Variants in ZNF630 observed in about 807,000 individuals in gnomAD.
The protein encoded by ZNF630 is zinc finger protein 630.
Under a neutral mutation model 7.2 loss-of-function variants are expected in ZNF630, and 5 were observed. That is an observed-to-expected ratio of 0.70 (90% CI 0.36 to 1.46). The LOEUF (loss-of-function observed/expected upper bound fraction) is 1.46, where lower values mean the gene tolerates loss of function less well. Ranked by LOEUF, ZNF630 falls within the 40% of genes most tolerant of loss-of-function variation. The pLI, the probability that ZNF630 is intolerant of heterozygous loss-of-function variation, is 0.03. For synonymous variants in ZNF630, 158 were observed against 162.8 expected, an observed-to-expected ratio of 0.97 and a Z score of 0.23; for missense variants, 461 against 477.0, an observed-to-expected ratio of 0.97 and a Z score of 0.31.
chrX:48,065,463 G>A (rs1556909905), intron 2 of ZNF630, among the ~76,000 whole-genome samples: 80 of 47,982 alleles, frequency 1.7e-3, no homozygotes, highest in African/African-American at 4.0e-3. Flanking sequence ...GAAAGAGAGA[G>A]AGAGAGAGAG....
chrX:48,059,805 G>T lies in ZNF630; in HGVS notation c.637C>A (p.Pro213Thr). The T allele has an allele frequency of 8.3e-7, 1 of 1,208,520 alleles. No individual in the cohort carries two copies. Among genetic ancestry groups the T allele is most frequent in the Non-Finnish European group, 1.1e-6 (1 of 893,276 alleles). The change falls in exon 5 of 5, where the codon CCT becomes ACT. Residue 213 changes from proline (P) to threonine (T), a missense_variant. Physicochemically the swap from Pro to Thr is conservative, Grantham distance 38. Transcript: ENST00000276054. The part of the protein sequence containing the change: ...PTKRFRCGRP[P>T]KYNASCSVPE... ...ACAGAACAGGAAGCATTATACTTAG[G>T]TGGTCTCCCACATCTAAATCTCTTA...
chrX:48,065,683 CA>C (rs200722854), intron 2 of ZNF630, among the ~76,000 whole-genome samples: 1,207 of 88,537 alleles, frequency 0.014, 17 homozygotes, highest in African/African-American at 0.037. Context: ...AACTCCATCT[CA>C]AAAAAAAAAA....
At chrX:48,063,057 C>G (rs2059114452) in intron 2 of ZNF630, among the ~76,000 whole-genome samples, 1 of 108,329 alleles carries the variant, frequency 9.2e-6, no homozygotes, top group African/African-American at 3.4e-5. Context: ...ATTGATATGC[C>G]ACAATATTTA....
Position 48,058,756 on chromosome X carries a change from CTG to C in ZNF630, c.1684_1685del (p.Gln562GlufsTer10). 1 of 1,206,886 alleles carries C rather than the reference CTG, an allele frequency of 8.3e-7. No individual in the cohort carries two copies. Among genetic ancestry groups the C allele is most frequent in the Non-Finnish European group, 1.1e-6 (1 of 892,417 alleles). ...FSLKSHLILH[Q>X]RGHTGEKPYE... ...AGGGTTTCTCTCCAGTATGACCTCTCTGATGTAGAATGAGATGTGACTTCAGG... is the reference window on the plus strand; with the variant it reads ...AGGGTTTCTCTCCAGTATGACCTCTCATGTAGAATGAGATGTGACTTCAGG... On this transcript the variant is annotated frameshift_variant, in exon 5 of 5. Transcript: ENST00000276054. LOFTEE classifies it low-confidence loss of function (END_TRUNC).
chrX:48,059,494 C>A lies in ZNF630; in HGVS notation c.948G>T (p.Glu316Asp). Reference protein sequence around the residue: ...LIVHQRIHTGEKPYECTKYGR... With the variant: ...LIVHQRIHTGDKPYECTKYGR... ...CATACTTAGTACATTCATAGGGTTT[C>A]TCCCCAGTATGAATCCTCTGATGCA... The change falls in exon 5 of 5, where the codon GAG becomes GAT. Residue 316 changes from glutamate to aspartate, a missense_variant. Coordinates refer to ENST00000276054, the MANE Select transcript of ZNF630 (RefSeq NM_001282201.2). 6.6e-6 allele frequency: 8 copies of A among 1,208,067 alleles called. No homozygotes were observed. The highest frequency in any genetic ancestry group is 9.0e-6 in the Non-Finnish European group (8 of 893,143).
chrX:48,066,797 T>C, intron 2 of ZNF630, 75 bp downstream of exon 2: 1 of 1,158,685 alleles, frequency 8.6e-7, no homozygotes. Flanking sequence ...TCTAAATTTC[T>C]CTAATCCTTA....
chrX:48,063,176 A>G (rs1489628051), intron 2 of ZNF630, among the ~76,000 whole-genome samples: 5 of 109,168 alleles, frequency 4.6e-5, no homozygotes, highest in Non-Finnish European at 9.5e-5. Flanking sequence ...GCAGGAAAAA[A>G]AACCTGGCAA....
rs782091336 is a variant in ZNF630, at chrX:48,059,309, C to T, written c.1133G>A (p.Ser378Asn). The T allele has an allele frequency of 2.5e-6, 3 of 1,208,657 alleles. No homozygotes were observed. The highest frequency in any genetic ancestry group is 3.4e-6 in the Non-Finnish European group (3 of 893,293). Residue 378 changes from serine to asparagine, a missense_variant, in exon 5 of 5, where the codon AGT (serine) becomes AAT (asparagine). Coordinates refer to ENST00000276054, the MANE Select transcript of ZNF630 (RefSeq NM_001282201.2). Reference protein sequence around the residue: ...VHTREKPFECSECRKAFCEMS... With the variant: ...VHTREKPFECNECRKAFCEMS... ...CTCACAGAAGGCTTTCCTGCATTCA[C>T]TGCATTCAAAGGGCTTCTCTCTGGT...
intron 1 of ZNF630, among the ~76,000 whole-genome samples, chrX:48,068,664 T>G (rs145424784): frequency 0.038 from 4,222 of 110,635 alleles, 80 homozygotes; most frequent in Middle Eastern, 0.073. Flanking sequence ...CAACATGTCA[T>G]ATTTGGCCCA....
In ZNF630 at chrX:48,060,538, T is replaced by C. The variant is rs782247400; in HGVS notation, c.150A>G (p.Ser50=). The change falls in exon 4 of 5, where the codon TCA becomes TCG. Residue 50 remains serine (S), a synonymous_variant. Coordinates refer to ENST00000276054, the MANE Select transcript of ZNF630 (RefSeq NM_001282201.2). ...TYNHLVSVGC[S]GIKPDVIFKL... is the part of the protein sequence containing the mutation. ...TAAAGATTACATCTGGTTTTATACC[T>C]GAACACCCTGTTAAGAGAAAATTGT... 6 of 1,197,662 alleles carry C rather than the reference T, an allele frequency of 5.0e-6. 1 individual carries two copies. In the African/African-American group the frequency reaches 1.1e-4, roughly 21 times the overall value.
rs1556908080 is a variant in ZNF630 at position 48,058,112 on chromosome X, T to C, written c.*356A>G. On this transcript the variant is annotated 3_prime_UTR_variant, in exon 5 of 5. Coordinates refer to ENST00000276054, the MANE Select transcript of ZNF630 (RefSeq NM_001282201.2). Reference sequence around the variant, plus strand: ...TCTAAACAGAAAAATATGGAAAAAATAGAGAAAGATGACAAAGAGATACCC... The same window carrying C: ...TCTAAACAGAAAAATATGGAAAAAACAGAGAAAGATGACAAAGAGATACCC... 1 of 151,643 alleles carries C rather than the reference T, an allele frequency of 6.6e-6. No homozygotes were observed. Among genetic ancestry groups the C allele is most frequent in the Non-Finnish European group, 1.2e-5 (1 of 80,295 alleles). The allele number at this position is 151,643 out of a possible 1,213,427, so 12.5% of individuals were successfully genotyped here.
intron 4 of ZNF630, 71 bp from the exon 5 acceptor site, chrX:48,060,274 C>G (rs868988298): frequency 1.3e-6 from 1 of 785,522 alleles, no homozygotes; most frequent in Non-Finnish European, 1.7e-6. Context: ...CACACACACA[C>G]ACACACACAC....
At chrX:48,061,837 C>T (rs781932643) in intron 2 of ZNF630, 7 of 305,032 alleles carry the variant, frequency 2.3e-5, no homozygotes, top group East Asian at 2.1e-4. Flanking sequence ...TCCCCACCCC[C>T]GTGGAACTGT....
Position 48,067,037 on chromosome X carries a change from G to GT in ZNF630, c.-152dup. On this transcript the variant is annotated 5_prime_UTR_variant, in exon 2 of 5. The change abolishes the stop of an existing upstream ORF in the 5' untranslated region. Transcript: ENST00000276054. ...TGACTTGTGTTTCTCATCTGACTCGGTAATTCCATTTCCGGAACTTCGTCC... is the reference window on the plus strand; with the variant it reads ...TGACTTGTGTTTCTCATCTGACTCGGTTAATTCCATTTCCGGAACTTCGTCC... 1.6e-6 allele frequency: 1 copy of GT among 625,673 alleles called. No homozygotes were observed. The highest frequency in any genetic ancestry group is 3.3e-5 in the Admixed American group (1 of 30,733). 51.6% of individuals were successfully genotyped at this position (625,673 alleles called of 1,213,427 possible). A position where few individuals can be genotyped will look rare whatever the true frequency, so the allele number is the denominator to read the frequency against.
At chrX:48,070,364 A>G (rs1235099237) in intron 1 of ZNF630, among the ~76,000 whole-genome samples, 1 of 107,928 alleles carries the variant, frequency 9.3e-6, no homozygotes. Context: ...TAATCCCAGC[A>G]CTTTGGGAGG....
rs1034364956 is a variant in ZNF630 at position 48,060,008 on chromosome X, T to C, written c.434A>G (p.Glu145Gly). ...GGAACCCATCTCATCAGTCAATGTT[T>C]CACGACTGATGACTGTGACCTGCCT... is the stretch of plus-strand genomic sequence containing the variant. ...VLRQVTVISR[E>G]TLTDEMGSKY... The change falls in exon 5 of 5, where the codon GAA becomes GGA. Residue 145 changes from glutamate to glycine, a missense_variant. By Grantham distance (98) the Glu-to-Gly change is moderately conservative. Transcript: ENST00000276054. The C allele has an allele frequency of 9.9e-6, 12 of 1,207,948 alleles. No homozygotes were observed. The highest frequency in any genetic ancestry group is 1.3e-5 in the Non-Finnish European group (12 of 892,905).
chrX:48,069,378 A>C (rs1239988600), intron 1 of ZNF630, among the ~76,000 whole-genome samples: 1 of 110,819 alleles, frequency 9.0e-6, no homozygotes, highest in Non-Finnish European at 1.9e-5. Context: ...CAAAACAAAA[A>C]CAAAAAAAAG....
At position 48,066,854 on chromosome X, in the gene ZNF630, G is replaced by A; in HGVS notation, c.15+18C>T. ...TCATTTTGTTGTGGGAAAACCAAGT[G>A]GCAAACAAATAACTTACCTGGGACT... On this transcript the variant is annotated intron_variant, in intron 2 of 4. Coordinates refer to ENST00000276054, the MANE Select transcript of ZNF630 (RefSeq NM_001282201.2). The A allele has an allele frequency of 8.3e-7, 1 of 1,206,725 alleles. No individual in the cohort carries two copies. The highest frequency in any genetic ancestry group is 1.1e-6 in the Non-Finnish European group (1 of 892,117).
Position 48,071,631 on chromosome X carries a change from CG to C in ZNF630, c.-541del, listed in dbSNP as rs2059160953. 9.0e-6 allele frequency: 1 copy of C among 111,126 alleles called. No homozygotes were observed. Among genetic ancestry groups the C allele is most frequent in the Admixed American group, 9.5e-5 (1 of 10,500 alleles). 9.2% of individuals were successfully genotyped at this position (111,126 alleles called of 1,213,427 possible). The stretch of plus-strand genomic sequence containing the variant: ...AGGCTTGGAAGGGCCGCGACTTGTC[CG>C]GGTGAGTGGGCGTTCCCGGCCACCA... On this transcript the variant is annotated 5_prime_UTR_variant, in exon 1 of 5. Coordinates refer to ENST00000276054, the MANE Select transcript of ZNF630 (RefSeq NM_001282201.2).
Sources: gnomAD v4.1 joint callset for allele counts (sites outside exome capture counted in the v4.1 genomes callset) on GRCh38, gnomAD v4.1.1 for gene constraint, MANE v1.5 for transcripts, NCBI Gene and HGNC (gene_info 2026-07-23, HGNC 2026-07-21) for gene names.